TSPAN14: variants seen among roughly 807,000 people sequenced by gnomAD.
TSPAN14 encodes tetraspanin 14.
TSPAN14 carries 16 observed loss-of-function variants against 36.6 expected under a neutral mutation model. That is an observed-to-expected ratio of 0.44 (90% confidence interval 0.30 to 0.66). The LOEUF is 0.66. TSPAN14 is among the 30% of genes least tolerant of loss of function. The probability of loss-of-function intolerance (pLI) is 0.12; values close to 1 mark genes in which losing one functional copy is unlikely to be tolerated. For synonymous variants in TSPAN14, 139 were observed against 143.8 expected, an observed-to-expected ratio of 0.97 and a Z score of 0.24; for missense variants, 231 against 355.1, an observed-to-expected ratio of 0.65 and a Z score of 2.81.
intron 2 of TSPAN14, among the ~76,000 whole-genome samples, chr10:80,491,184 A>T (rs1847901898): frequency 6.6e-6 from 1 of 152,190 alleles, no homozygotes. Context: ...CTGTGGTCCG[A>T]TAACTTTGCA....
At chr10:80,473,829 T>C (rs1189882388) in intron 1 of TSPAN14, among the ~76,000 whole-genome samples, 1 of 151,952 alleles carries the variant, frequency 6.6e-6, no homozygotes, top group Admixed American at 6.6e-5. Context: ...GGGTCAGGGA[T>C]GTGCATGGAC....
At chr10:80,467,487 T>C (rs1387378380) in intron 1 of TSPAN14, among the ~76,000 whole-genome samples, 1 of 151,860 alleles carries the variant, frequency 6.6e-6, no homozygotes, top group Non-Finnish European at 1.5e-5. Flanking sequence ...AGATTCTTAC[T>C]AGAAAATGGA....
At chr10:80,485,270 T>C (rs1847525881) in intron 1 of TSPAN14, among the ~76,000 whole-genome samples, 1 of 152,206 alleles carries the variant, frequency 6.6e-6, no homozygotes, top group South Asian at 2.1e-4. Context: ...GGCTAACTTC[T>C]GCCTTCCTTC....
chr10:80,517,646 T>C (rs949938161), intron 8 of TSPAN14, among the ~76,000 whole-genome samples: 28 of 152,258 alleles, frequency 1.8e-4, no homozygotes, highest in African/African-American at 6.7e-4. Context: ...CAGGACAGAG[T>C]GTCTGTTTTG....
intron 2 of TSPAN14, among the ~76,000 whole-genome samples, chr10:80,500,303 A>G (rs1260302191): frequency 6.9e-6 from 1 of 144,980 alleles, no homozygotes; most frequent in Non-Finnish European, 1.5e-5. Flanking sequence ...AAAACAACAC[A>G]AGGCCTTATT....
At chr10:80,522,012 A>C (rs1841291295) in exon 9 of TSPAN14, 1 of 152,048 alleles carries the variant, frequency 6.6e-6, no homozygotes, top group Non-Finnish European at 1.5e-5. Flanking sequence ...ACTTGGGGCT[A>C]CTGTGTAACT....
At chr10:80,490,390 A>AGG (rs2132015168) in intron 2 of TSPAN14, among the ~76,000 whole-genome samples, 1 of 152,288 alleles carries the variant, frequency 6.6e-6, no homozygotes, top group Admixed American at 6.5e-5. Context: ...ATTGAGCCCT[A>AGG]GGATGCTAGA....
intron 1 of TSPAN14, among the ~76,000 whole-genome samples, chr10:80,455,092 TC>T (rs1191840978): frequency 6.6e-6 from 1 of 152,026 alleles, no homozygotes; most frequent in Non-Finnish European, 1.5e-5. Context: ...ACTGTGCTTG[TC>T]CCGGGCCGCT....
chr10:80,483,189 A>G (rs576769154), intron 1 of TSPAN14, among the ~76,000 whole-genome samples: 1 of 152,198 alleles, frequency 6.6e-6, no homozygotes, highest in South Asian at 2.1e-4. Flanking sequence ...TGCCAGCCTT[A>G]TATATTGTAG....
intron 1 of TSPAN14, among the ~76,000 whole-genome samples, chr10:80,483,000 G>T (rs533682414): frequency 1.3e-5 from 2 of 152,252 alleles, no homozygotes; most frequent in Non-Finnish European, 2.9e-5. Context: ...CTCCCAAAGT[G>T]CTGGGATTAT....
intron 2 of TSPAN14, 77 bp from the exon 3 acceptor site, chr10:80,504,651 G>A: frequency 6.4e-7 from 1 of 1,572,606 alleles, no homozygotes; most frequent in South Asian, 1.1e-5. Flanking sequence ...TGGCAGTGTG[G>A]ACTTTGCTCT....
At chr10:80,486,366 C>G (rs976625022) in intron 1 of TSPAN14, among the ~76,000 whole-genome samples, 3 of 152,214 alleles carry the variant, frequency 2.0e-5, no homozygotes, top group Non-Finnish European at 4.4e-5. Context: ...GTTGAGATTC[C>G]CTGTGTTGCC....
At chr10:80,472,975 G>A (rs994233030) in intron 1 of TSPAN14, among the ~76,000 whole-genome samples, 1 of 152,150 alleles carries the variant, frequency 6.6e-6, no homozygotes, top group Admixed American at 6.6e-5. Flanking sequence ...GGAGCATGGC[G>A]TCAGTCACAG....
chr10:80,473,700 TTA>T lies in TSPAN14; in HGVS notation c.-17-15516_-17-15515del, dbSNP rs1412837020. Among the ~76,000 whole-genome samples, 347 of 142,904 alleles carry T rather than the reference TTA, an allele frequency of 2.4e-3. 2 individuals are homozygous for T. In the Middle Eastern group the frequency reaches 0.033, roughly 14 times the overall value. 93.8% of individuals were successfully genotyped at this position (142,904 alleles called of 152,430 possible). Reference sequence around the variant, plus strand: ...ACCATGATGGGTTTTTTTTTTTTTTTTAAATTAAAGTTTTTTTTTTTCTTTTT... The same window carrying T: ...ACCATGATGGGTTTTTTTTTTTTTTTAATTAAAGTTTTTTTTTTTCTTTTT... On this transcript the variant is annotated intron_variant, in intron 1 of 8. Coordinates refer to ENST00000429989, the Ensembl canonical transcript of TSPAN14.
At chr10:80,511,771 T>TCTCTCTCC (rs1564745338) in intron 5 of TSPAN14, among the ~76,000 whole-genome samples, 1 of 123,160 alleles carries the variant, frequency 8.1e-6, no homozygotes, top group Admixed American at 8.7e-5. Context: ...TCTCTCTCTC[T>TCTCTCTCC]CCCCTTTTTT....
intron 1 of TSPAN14, among the ~76,000 whole-genome samples, chr10:80,487,501 G>T (rs1847676480): frequency 6.6e-6 from 1 of 152,188 alleles, no homozygotes; most frequent in Non-Finnish European, 1.5e-5. Context: ...TTTAGTTGAG[G>T]ATGCTGAGGT....
intron 1 of TSPAN14, among the ~76,000 whole-genome samples, chr10:80,465,347 G>A (rs1846184346): frequency 1.3e-5 from 2 of 152,282 alleles, no homozygotes; most frequent in Admixed American, 6.5e-5. Context: ...TGGCAGCTCA[G>A]CCTGCAGCCA....
Position 80,509,489 on chromosome 10 carries a change from G to C in TSPAN14, c.450+18G>C. On this transcript the variant is annotated intron_variant, in intron 5 of 8. Transcript: ENST00000429989. The surrounding 1 kb of genome is among the most constrained non-coding windows in gnomAD (Gnocchi z 4.7). ...AGAAAGCTGTAAGCACCTCCCCAGC[G>C]GGCCCCCGATAGAGCATGCACCTCC... 6.2e-7 allele frequency: 1 copy of C among 1,610,808 alleles called. No homozygotes were observed. The highest frequency in any genetic ancestry group is 8.5e-7 in the Non-Finnish European group (1 of 1,178,550).
intron 1 of TSPAN14, among the ~76,000 whole-genome samples, chr10:80,456,495 G>A (rs1564704743): frequency 6.6e-6 from 1 of 152,236 alleles, no homozygotes; most frequent in Admixed American, 6.5e-5. Flanking sequence ...AGTTCCCATG[G>A]AGGCCGGGGA....
Sources: gnomAD v4.1 joint callset for allele counts (sites outside exome capture counted in the v4.1 genomes callset) on GRCh38, gnomAD v4.1.1 for gene constraint, Gnocchi (gnomAD v3.1) non-coding constraint, MANE v1.5 for transcripts, NCBI Gene and HGNC (gene_info 2026-07-23, HGNC 2026-07-21) for gene names.